GTF2A1L: variants seen among roughly 807,000 people sequenced by gnomAD.
GTF2A1L encodes the protein general transcription factor IIA subunit 1 like.
A neutral mutation model predicts 49.7 loss-of-function variants in GTF2A1L; 48 were observed. That is an observed-to-expected ratio of 0.97 (90% CI 0.77 to 1.23). GTF2A1L has a LOEUF of 1.23. GTF2A1L is among the 50% of genes most tolerant of loss of function. The pLI is 0.00. For missense variants in GTF2A1L, 736 were observed against 564.8 expected, an observed-to-expected ratio of 1.30 and a Z score of -3.07; for synonymous variants, 246 against 193.5, an observed-to-expected ratio of 1.27 and a Z score of -2.25.
chr2:48,665,958 G>A (rs1223042241), intron 6 of GTF2A1L, among the ~76,000 whole-genome samples: 1 of 151,880 alleles, frequency 6.6e-6, no homozygotes, highest in African/African-American at 2.4e-5. Flanking sequence ...TTACTTTTTA[G>A]TTTAGTTTTG....
At chr2:48,656,363 T>G (rs1414812243) in intron 6 of GTF2A1L, among the ~76,000 whole-genome samples, 23 of 149,142 alleles carry the variant, frequency 1.5e-4, no homozygotes, top group Non-Finnish European at 2.5e-4. Context: ...TTTTTTTTTT[T>G]TTTTTTTTTT....
At position 48,669,884 on chromosome 2, in the gene GTF2A1L, C is replaced by T. The variant is rs1387832770; in HGVS notation, c.1141C>T (p.Leu381=). ...EFLGNIDGGD[L]KVPEEEADSI... ...TCTAGGGAATATTGACGGGGGAGAT[C>T]TGAAGGTACCTGAAGAAGAAGCTGA... is the stretch of plus-strand genomic sequence containing the variant. Residue 381 remains leucine (L), a synonymous_variant, in exon 7 of 9, where the codon CTG becomes TTG. Transcript: ENST00000403751. 6.2e-7 allele frequency: 1 copy of T among 1,613,972 alleles called. No individual in the cohort carries two copies. The highest frequency in any genetic ancestry group is 8.5e-7 in the Non-Finnish European group (1 of 1,179,990).
intron 3 of GTF2A1L, among the ~76,000 whole-genome samples, chr2:48,640,888 T>C (rs1283423790): frequency 6.8e-6 from 1 of 147,048 alleles, no homozygotes; most frequent in African/African-American, 2.4e-5. Context: ...TTTTATATGT[T>C]CAAGTATATA....
chr2:48,653,272 A>G (rs1250118152), intron 6 of GTF2A1L, among the ~76,000 whole-genome samples: 1 of 151,856 alleles, frequency 6.6e-6, no homozygotes, highest in East Asian at 1.9e-4. Flanking sequence ...GAGGCATGAT[A>G]TATATACAAT....
intron 8 of GTF2A1L, among the ~76,000 whole-genome samples, chr2:48,672,254 T>C (rs1370236085): frequency 6.6e-6 from 1 of 152,220 alleles, no homozygotes; most frequent in East Asian, 1.9e-4. Context: ...GGATGTAGTA[T>C]GTACAAGGGA....
intron 3 of GTF2A1L, among the ~76,000 whole-genome samples, chr2:48,640,581 G>C (rs1269321915): frequency 6.6e-6 from 1 of 152,010 alleles, no homozygotes; most frequent in Non-Finnish European, 1.5e-5. Flanking sequence ...ACTAGGTACT[G>C]GGCTTAATTC....
chr2:48,634,733 C>G (rs1676786349), intron 3 of GTF2A1L, among the ~76,000 whole-genome samples: 1 of 152,212 alleles, frequency 6.6e-6, no homozygotes, highest in Non-Finnish European at 1.5e-5. Context: ...CCTAGTCTCT[C>G]CTGGCTTGTA....
chr2:48,646,388 TGTGGTGG>T, intron 5 of GTF2A1L, 58 bp from the exon 6 acceptor site: 3 of 1,335,944 alleles, frequency 2.2e-6, no homozygotes, highest in Middle Eastern at 2.1e-4. Context: ...TTTTTTTTTT[TGTGGTGG>T]TTGTCAAAGG....
intron 7 of GTF2A1L, among the ~76,000 whole-genome samples, chr2:48,670,745 T>C (rs775367436): frequency 1.8e-4 from 28 of 152,216 alleles, no homozygotes; most frequent in Non-Finnish European, 3.7e-4. Context: ...ATTTTAGATA[T>C]GAGGAAACTG....
At chr2:48,654,840 A>G (rs942834052) in intron 6 of GTF2A1L, among the ~76,000 whole-genome samples, 1 of 152,202 alleles carries the variant, frequency 6.6e-6, no homozygotes, top group East Asian at 1.9e-4. Flanking sequence ...TTATTACTGA[A>G]GGTTCACTCT....
intron 5 of GTF2A1L, 46 bp downstream of exon 5, chr2:48,645,163 AT>A (rs1572727930): frequency 4.5e-6 from 7 of 1,545,074 alleles, no homozygotes; most frequent in East Asian, 2.3e-5. Context: ...CATTGGTACT[AT>A]TTTTTGGACA....
At chr2:48,651,445 T>C (rs537381457) in intron 6 of GTF2A1L, among the ~76,000 whole-genome samples, 1 of 151,790 alleles carries the variant, frequency 6.6e-6, no homozygotes, top group Admixed American at 6.6e-5. Context: ...TCTTTTTTTT[T>C]TTTTTTTTTA....
In GTF2A1L at chr2:48,663,830, C is replaced by A. The variant is rs796724318; in HGVS notation, c.979-5892C>A. Among the ~76,000 whole-genome samples the A allele has an allele frequency of 3.9e-5, 6 of 152,172 alleles. 1 individual carries two copies. Among genetic ancestry groups the A allele is most frequent in the African/African-American group, 1.4e-4 (6 of 41,542 alleles). ...AATTTTTAGTAGAGATAAGGTTGGT[C>A]TTGAACTCCTGAACTCAAGCGATCC... On this transcript the variant is annotated intron_variant, in intron 6 of 8. Transcript: ENST00000403751.
rs115083292 is a variant in GTF2A1L at position 48,627,108 on chromosome 2, T to C, written c.247+5818T>C. ...AATTACTACCTCGATCTCTTTATTT[T>C]TTATATCTGTTCCTAAATTCAATCT... On this transcript the variant is annotated intron_variant, in intron 3 of 8. Transcript: ENST00000403751. 8.2e-3 allele frequency among the ~76,000 whole-genome samples: 1,183 copies of C among 143,968 alleles called. 82 individuals are homozygous for C. The highest frequency in any genetic ancestry group is 0.028 in the African/African-American group (1,129 of 40,548). 94.4% of individuals were successfully genotyped at this position (143,968 alleles called of 152,430 possible).
Position 48,670,914 on chromosome 2 carries a change from C to T in GTF2A1L, c.1240-677C>T, listed in dbSNP as rs189196311. ...TCTTGACTCACTGCAACCTCTGCTTCCTGGGTTCAAATGATTCTTATGCCT... is the reference window on the plus strand; with the variant it reads ...TCTTGACTCACTGCAACCTCTGCTTTCTGGGTTCAAATGATTCTTATGCCT... On this transcript the variant is annotated intron_variant, in intron 7 of 8. Transcript: ENST00000403751. Among the ~76,000 whole-genome samples, 376 of 151,682 alleles carry T rather than the reference C, an allele frequency of 2.5e-3. 1 individual carries two copies. Among genetic ancestry groups the T allele is most frequent in the African/African-American group, 8.3e-3 (344 of 41,334 alleles).
intron 6 of GTF2A1L, among the ~76,000 whole-genome samples, chr2:48,665,150 G>T (rs1203536951): frequency 6.6e-6 from 1 of 152,066 alleles, no homozygotes; most frequent in Non-Finnish European, 1.5e-5. Context: ...TCCAACTCTT[G>T]GCCTCAAGTG....
At chr2:48,657,436 C>CT (rs371799108) in intron 6 of GTF2A1L, among the ~76,000 whole-genome samples, 6 of 152,048 alleles carry the variant, frequency 3.9e-5, no homozygotes, top group East Asian at 3.9e-4. Context: ...AACATGATTT[C>CT]TTTTTTTTGG....
chr2:48,679,465 A>T lies in GTF2A1L; in HGVS notation c.*23A>T, dbSNP rs1223500233. The T allele has an allele frequency of 6.2e-7, 1 of 1,610,890 alleles. No individual in the cohort carries two copies. The highest frequency in any genetic ancestry group is 1.7e-5 in the Admixed American group (1 of 59,452). ...TAAACCTTGTGAGCTCAGTACATCT[A>T]TTTTGTGAACATCAGTTGGATTATA... On this transcript the variant is annotated 3_prime_UTR_variant, in exon 9 of 9. Coordinates refer to ENST00000403751, the MANE Select transcript of GTF2A1L (RefSeq NM_006872.5).
intron 6 of GTF2A1L, among the ~76,000 whole-genome samples, chr2:48,651,084 C>T (rs59056289): frequency 6.6e-6 from 1 of 152,092 alleles, no homozygotes; most frequent in Non-Finnish European, 1.5e-5. Flanking sequence ...GCGAACAAAG[C>T]TTTATCATGA....
Sources: allele counts gnomAD v4.1 joint callset (sites outside exome capture counted in the v4.1 genomes callset), GRCh38; gene constraint gnomAD v4.1.1; transcripts MANE v1.5; gene names NCBI Gene and HGNC (gene_info 2026-07-23, HGNC 2026-07-21).